The following ONECUT1 variants were observed in gnomAD, a reference collection of about 807,000 sequenced individuals.
ONECUT1 encodes the protein one cut homeobox 1.
A neutral mutation model predicts 25.6 loss-of-function variants in ONECUT1; 12 were observed. That is an observed-to-expected ratio of 0.47 (90% CI 0.30 to 0.76). The LOEUF (loss-of-function observed/expected upper bound fraction) is 0.76, where lower values mean the gene tolerates loss of function less well. Ranked by LOEUF, ONECUT1 falls within the 30% of genes least tolerant of loss-of-function variation. The pLI is 0.07. For missense variants in ONECUT1, 620 were observed against 651.2 expected (o/e 0.95, Z 0.52); for synonymous variants, 285 against 270.2 (o/e 1.05, Z -0.54).
In ONECUT1 at chr15:52,779,386, C is replaced by T. The variant is rs1312012087; in HGVS notation, c.1105+9394G>A. The stretch of plus-strand genomic sequence containing the variant: ...TACAGGCGTGAGCCACCGTGCCTGG[C>T]CGACCAGTTTATTTAAAAAAAAAAC... On this transcript the variant is annotated intron_variant, in intron 1 of 1. Coordinates refer to ENST00000305901, the MANE Select transcript of ONECUT1 (RefSeq NM_004498.4). 2.0e-5 allele frequency among the ~76,000 whole-genome samples: 3 copies of T among 152,038 alleles called. No individual in the cohort carries two copies. In the East Asian group the frequency reaches 5.8e-4, roughly 29 times the overall value.
chr15:52,786,730 G>A (rs1479395412), intron 1 of ONECUT1, among the ~76,000 whole-genome samples: 1 of 152,168 alleles, frequency 6.6e-6, no homozygotes, highest in African/African-American at 2.4e-5. Flanking sequence ...AGGTTTCCAT[G>A]GCTCAGAGGT....
rs2083899996 is a variant in ONECUT1, at chr15:52,789,279, G to T, written c.606C>A (p.His202Gln). The change falls in exon 1 of 2, where the codon CAC becomes CAA. Residue 202 changes from histidine to glutamine, a missense_variant. By Grantham distance (24) the His-to-Gln change is conservative. Transcript: ENST00000305901. The surrounding 1 kb of genome is among the most constrained non-coding windows in gnomAD (Gnocchi z 4.1). ...TGTCGGTGGGCATGGCGGCCCCCGG[G>T]TGGGCATAGTGGGGGAGCCCTTGCT... Reference protein sequence around the residue: ...NSQQGLPHYAHPGAAMPTDKM... With the variant: ...NSQQGLPHYAQPGAAMPTDKM... The T allele has an allele frequency of 1.3e-6, 2 of 1,549,450 alleles. No individual in the cohort carries two copies. The highest frequency in any genetic ancestry group is 8.7e-7 in the Non-Finnish European group (1 of 1,147,574).
Position 52,788,719 on chromosome 15 carries a change from T to C in ONECUT1, c.1105+61A>G, listed in dbSNP as rs2141466890. On this transcript the variant is annotated intron_variant, in intron 1 of 1. Coordinates refer to ENST00000305901, the MANE Select transcript of ONECUT1 (RefSeq NM_004498.4). The surrounding 1 kb of genome is among the most constrained non-coding windows in gnomAD (Gnocchi z 4.3). ...AGCCCTCTCTCCTACCCTTCCTCCT[T>C]TGGTCCCTTCGGCTTTCGTGTACCT... is the stretch of plus-strand genomic sequence containing the variant. The C allele has an allele frequency of 3.3e-6, 5 of 1,533,624 alleles. No homozygotes were observed. Among genetic ancestry groups the C allele is most frequent in the East Asian group, 4.5e-5 (2 of 44,364 alleles).
intron 1 of ONECUT1, chr15:52,780,954 T>C (rs1318785732): frequency 7.0e-6 from 8 of 1,144,676 alleles, no homozygotes; most frequent in East Asian, 8.5e-5. Flanking sequence ...TTGACAGAAA[T>C]TGCAAGATGC....
At chr15:52,768,709 T>C (rs2083749172) in intron 1 of ONECUT1, among the ~76,000 whole-genome samples, 1 of 152,220 alleles carries the variant, frequency 6.6e-6, no homozygotes, top group East Asian at 1.9e-4. Context: ...AAACCTACAA[T>C]CTTGAGTTTT....
At chr15:52,759,128 G>A (rs1566988141) in intron 1 of ONECUT1, among the ~76,000 whole-genome samples, 1 of 152,128 alleles carries the variant, frequency 6.6e-6, no homozygotes, top group Non-Finnish European at 1.5e-5. Flanking sequence ...AGATGGACGG[G>A]GCATGCTTCG....
chr15:52,767,206 A>C (rs1362931421), intron 1 of ONECUT1, among the ~76,000 whole-genome samples: 1 of 152,154 alleles, frequency 6.6e-6, no homozygotes, highest in Non-Finnish European at 1.5e-5. Context: ...GCACTGGAGG[A>C]CATCGGGAGG....
intron 1 of ONECUT1, among the ~76,000 whole-genome samples, chr15:52,773,890 A>T (rs191286362): frequency 7.9e-5 from 12 of 152,330 alleles, no homozygotes; most frequent in Non-Finnish European, 1.5e-5. Context: ...GAGAGAAGGA[A>T]GGCTCTTGCA....
chr15:52,779,368 G>A (rs762484520), intron 1 of ONECUT1, among the ~76,000 whole-genome samples: 2 of 151,980 alleles, frequency 1.3e-5, no homozygotes, highest in Admixed American at 1.3e-4. Flanking sequence ...GACTACAGGC[G>A]TGAGCCACCG....
In ONECUT1 at chr15:52,788,873, T is replaced by C. The variant is rs766909306; in HGVS notation, c.1012A>G (p.Ser338Gly). ...GTCTCCCGGCCGGATTTGAGTTTGC[T>C]CCAGGGTTTGGGGTTGCGCAGCAGG... The part of the protein sequence containing the change: ...SDLLRNPKPW[S>G]KLKSGRETFR... Residue 338 changes from serine to glycine, a missense_variant, in exon 1 of 2, where the codon AGC becomes GGC. Physicochemically the swap from Ser to Gly is moderately conservative, Grantham distance 56 (BLOSUM62 0). This residue lies in a region of ONECUT1 where 146 missense variants were observed against 201.8 expected (regional missense o/e 0.72). Coordinates refer to ENST00000305901, the MANE Select transcript of ONECUT1 (RefSeq NM_004498.4). The surrounding 1 kb of genome is among the most constrained non-coding windows in gnomAD (Gnocchi z 4.3). 1 of 1,614,148 alleles carries C rather than the reference T, an allele frequency of 6.2e-7. No individual in the cohort carries two copies.
At chr15:52,767,210 C>G (rs1034029222) in intron 1 of ONECUT1, among the ~76,000 whole-genome samples, 1 of 152,002 alleles carries the variant, frequency 6.6e-6, no homozygotes, top group Non-Finnish European at 1.5e-5. Context: ...TGGAGGACAT[C>G]GGGAGGTACA....
chr15:52,768,942 C>T (rs1479577955), intron 1 of ONECUT1, among the ~76,000 whole-genome samples: 1 of 152,188 alleles, frequency 6.6e-6, no homozygotes, highest in Non-Finnish European at 1.5e-5. Flanking sequence ...TGACCTCAAC[C>T]ACATTTCCCA....
Position 52,790,267 on chromosome 15 carries a change from C to A in ONECUT1, c.-383G>T, listed in dbSNP as rs1233266755. 4.0e-5 allele frequency among the ~76,000 whole-genome samples: 6 copies of A among 151,346 alleles called. No individual in the cohort carries two copies. The highest frequency in any genetic ancestry group is 8.9e-5 in the Non-Finnish European group (6 of 67,664). On this transcript the variant is annotated 5_prime_UTR_variant, in exon 1 of 2. Transcript: ENST00000305901. The stretch of plus-strand genomic sequence containing the variant: ...GAGGTCTCCGGCTCCCCTGCCGCGG[C>A]CCGCGCGCCTGCCGCGTCTGCTGCC...
intron 1 of ONECUT1, chr15:52,780,645 ACTC>A (rs1179094620): frequency 2.2e-5 from 34 of 1,534,658 alleles, no homozygotes; most frequent in Non-Finnish European, 1.3e-5. Flanking sequence ...CGCTTTAGCC[ACTC>A]CTCTCACGCA....
chr15:52,779,335 G>A (rs1001061640), intron 1 of ONECUT1, among the ~76,000 whole-genome samples: 4 of 151,810 alleles, frequency 2.6e-5, no homozygotes, highest in South Asian at 2.1e-4. Flanking sequence ...TGATCTGCCC[G>A]CCTCGGCCTC....
intron 1 of ONECUT1, among the ~76,000 whole-genome samples, chr15:52,760,591 C>T (rs912878649): frequency 2.0e-5 from 3 of 152,068 alleles, no homozygotes; most frequent in African/African-American, 7.2e-5. Context: ...TAAATGGAGG[C>T]TTTCTAGTGA....
intron 1 of ONECUT1, among the ~76,000 whole-genome samples, chr15:52,777,566 C>G (rs1291344345): frequency 6.6e-6 from 1 of 152,034 alleles, no homozygotes; most frequent in Non-Finnish European, 1.5e-5. Context: ...GGAGTTTAGC[C>G]AGGGCCCCCA....
intron 1 of ONECUT1, among the ~76,000 whole-genome samples, chr15:52,785,411 G>A (rs1596057374): frequency 6.6e-6 from 1 of 152,140 alleles, no homozygotes; most frequent in African/African-American, 2.4e-5. Flanking sequence ...CGGGAAGGGG[G>A]CGCCGCCAAC....
chr15:52,780,356 G>T (rs1364466165), intron 1 of ONECUT1, among the ~76,000 whole-genome samples: 1 of 152,142 alleles, frequency 6.6e-6, no homozygotes, highest in Non-Finnish European at 1.5e-5. Flanking sequence ...CTTTTAATGA[G>T]CTGGTAGTGC....
Sources: gnomAD v4.1 joint callset for allele counts (sites outside exome capture counted in the v4.1 genomes callset) on GRCh38, gnomAD v4.1.1 for gene constraint, gnomAD v4.1.1 regional missense constraint, Gnocchi (gnomAD v3.1) non-coding constraint, MANE v1.5 for transcripts, NCBI Gene and HGNC (gene_info 2026-07-23, HGNC 2026-07-21) for gene names.